The following SFT2D1 variants were observed in gnomAD, a reference collection of about 807,000 sequenced individuals.
The protein encoded by SFT2D1 is vesicle transport protein SFT2A.
Under a neutral mutation model 28.1 loss-of-function variants are expected in SFT2D1, and 24 were observed. The observed-to-expected ratio is 0.85, with a 90% CI of 0.62 to 1.20. The LOEUF is 1.20. Among genes scored for constraint, SFT2D1 ranks in the 50% most tolerant of loss-of-function variants. The pLI, the probability that SFT2D1 is intolerant of heterozygous loss-of-function variation, is 0.00. For missense variants in SFT2D1, 181 were observed against 190.9 expected (o/e 0.95, Z 0.31); for synonymous variants, 82 against 73.7 (o/e 1.11, Z -0.58).
chr6:166,335,669 C>T (rs916465864), intron 1 of SFT2D1, among the ~76,000 whole-genome samples: 1 of 152,072 alleles, frequency 6.6e-6, no homozygotes, highest in African/African-American at 2.4e-5. Context: ...TAATGGAATA[C>T]CAGGCATAAA....
At chr6:166,329,622 A>G in intron 2 of SFT2D1, 33 bp from the exon 3 acceptor site, 1 of 1,497,378 alleles carries the variant, frequency 6.7e-7, no homozygotes, top group South Asian at 1.3e-5. Context: ...TTTTAAAATA[A>G]TTTTATGATT....
At position 166,323,263 on chromosome 6, in the gene SFT2D1, G is replaced by A. The variant is rs959062386; in HGVS notation, c.411-377C>T. ...TTAGTTACAAATTAGGCAATAAAAG[G>A]CAAAATACTAGAGAAAATAACCAAG... On this transcript the variant is annotated intron_variant, in intron 6 of 7. Coordinates refer to ENST00000361731, the MANE Select transcript of SFT2D1 (RefSeq NM_145169.3). 5 of 174,206 alleles carry A rather than the reference G, an allele frequency of 2.9e-5. No homozygotes were observed. The East Asian group carries it at 7.6e-4, about 27-fold the overall frequency. The allele number at this position is 174,206 out of a possible 1,614,324, so 10.8% of individuals were successfully genotyped here. A position where few individuals can be genotyped will look rare whatever the true frequency, so the allele number is the denominator to read the frequency against.
At chr6:166,342,375 C>A in intron 1 of SFT2D1, 44 bp downstream of exon 1, 1 of 1,525,948 alleles carries the variant, frequency 6.6e-7, no homozygotes. Context: ...GCGGCCGGGG[C>A]CAGCGGGCAG....
intron 1 of SFT2D1, among the ~76,000 whole-genome samples, chr6:166,341,856 G>A (rs1349502549): frequency 6.6e-6 from 1 of 151,884 alleles, no homozygotes; most frequent in Non-Finnish European, 1.5e-5. Context: ...TCTTACCAGG[G>A]CTCACTGCCT....
At chr6:166,322,962 C>T in intron 6 of SFT2D1, 76 bp from the exon 7 acceptor site, 3 of 1,214,450 alleles carry the variant, frequency 2.5e-6, no homozygotes, top group South Asian at 1.2e-5. Flanking sequence ...CCATGTCTAA[C>T]CTTATAATAA....
intron 1 of SFT2D1, among the ~76,000 whole-genome samples, chr6:166,337,785 C>A (rs1363780411): frequency 6.6e-6 from 1 of 152,132 alleles, no homozygotes; most frequent in Non-Finnish European, 1.5e-5. Flanking sequence ...ATAACTCAGT[C>A]AACAAGCAAA....
At chr6:166,338,405 G>A (rs1395950936) in intron 1 of SFT2D1, among the ~76,000 whole-genome samples, 1 of 152,114 alleles carries the variant, frequency 6.6e-6, no homozygotes, top group East Asian at 1.9e-4. Context: ...AGCACCTAGC[G>A]TACTTACATT....
At chr6:166,330,396 G>A (rs1778528718) in intron 1 of SFT2D1, 149 bp from the exon 2 acceptor site, 9 of 622,472 alleles carry the variant, frequency 1.4e-5, no homozygotes, top group Non-Finnish European at 2.5e-5. Context: ...AGATTCCACG[G>A]TTGTTAAGGG....
chr6:166,340,070 C>T (rs570497477), intron 1 of SFT2D1, among the ~76,000 whole-genome samples: 42 of 152,360 alleles, frequency 2.8e-4, no homozygotes, highest in African/African-American at 9.4e-4. Context: ...TCCTTGCCTC[C>T]TCCCACTCTC....
intron 1 of SFT2D1, among the ~76,000 whole-genome samples, chr6:166,339,390 A>G (rs1422377068): frequency 1.3e-5 from 2 of 151,724 alleles, no homozygotes; most frequent in Non-Finnish European, 2.9e-5. Context: ...CTGCACCATA[A>G]TTTTCCCCTT....
chr6:166,331,461 T>C (rs139018202), intron 1 of SFT2D1: 42 of 152,808 alleles, frequency 2.7e-4, no homozygotes, highest in Non-Finnish European at 4.1e-4. Context: ...TAATGAAACA[T>C]ATATCACTCT....
intron 1 of SFT2D1, among the ~76,000 whole-genome samples, chr6:166,337,534 C>T (rs1372322464): frequency 6.6e-6 from 1 of 152,034 alleles, no homozygotes; most frequent in East Asian, 1.9e-4. Flanking sequence ...CGCCTTAGCT[C>T]CTTCTACCTG....
At chr6:166,322,173 G>A (rs1157747864) in intron 7 of SFT2D1, among the ~76,000 whole-genome samples, 1 of 151,772 alleles carries the variant, frequency 6.6e-6, no homozygotes, top group Non-Finnish European at 1.5e-5. Flanking sequence ...GTGAGCCACC[G>A]CACCCAGCCG....
chr6:166,339,851 T>G (rs1778741228), intron 1 of SFT2D1, among the ~76,000 whole-genome samples: 1 of 152,200 alleles, frequency 6.6e-6, no homozygotes, highest in Admixed American at 6.5e-5. Flanking sequence ...TTGGACCTCA[T>G]CTTGACGATC....
At chr6:166,328,413 G>A in intron 3 of SFT2D1, 56 bp from the exon 4 acceptor site, 1 of 1,025,792 alleles carries the variant, frequency 9.7e-7, no homozygotes, top group Non-Finnish European at 1.4e-6. Context: ...ATCTGGTTAT[G>A]CAAAAATAAA....
chr6:166,326,269 T>C (rs1778443199), intron 4 of SFT2D1, 102 bp from the exon 5 acceptor site: 3 of 947,206 alleles, frequency 3.2e-6, no homozygotes, highest in Admixed American at 2.5e-5. Context: ...GAATATACTA[T>C]AGAACAAAAA....
intron 1 of SFT2D1, chr6:166,335,483 A>G: frequency 1.9e-6 from 1 of 519,264 alleles, no homozygotes; most frequent in Non-Finnish European, 3.8e-6. Context: ...ATTTTACTTT[A>G]CTTTACAAAA....
chr6:166,335,275 C>T (rs146174189), intron 1 of SFT2D1: 31 of 581,304 alleles, frequency 5.3e-5, no homozygotes, highest in Admixed American at 4.1e-4. Context: ...CTGTCCACAG[C>T]GGTGGCGGTG....
rs773077255 is a variant in SFT2D1, at chr6:166,330,185, T to C, written c.126A>G (p.Val42=). The C allele has an allele frequency of 3.7e-6, 6 of 1,604,994 alleles. No homozygotes were observed. The highest frequency in any genetic ancestry group is 4.5e-5 in the East Asian group (2 of 44,718). ...CAAGAATAGAAAAGAAAACGCCACA[T>C]ACGAAGCAGATGGCAAACCATTTCA... ...TRLKWFAICF[V]CGVFFSILGT... is the part of the protein sequence containing the mutation. Residue 42 remains valine, a synonymous_variant, in exon 2 of 8, where the codon GTA becomes GTG. Coordinates refer to ENST00000361731, the MANE Select transcript of SFT2D1 (RefSeq NM_145169.3).
Sources: gnomAD v4.1 joint callset for allele counts (sites outside exome capture counted in the v4.1 genomes callset) on GRCh38, gnomAD v4.1.1 for gene constraint, MANE v1.5 for transcripts, NCBI Gene and HGNC (gene_info 2026-07-23, HGNC 2026-07-21) for gene names.